FARS2: variants seen among roughly 807,000 people sequenced by gnomAD.
FARS2 encodes phenylalanyl-tRNA synthetase 2, mitochondrial, also known as phenylalanine--tRNA ligase, mitochondrial.
FARS2 carries 40 observed loss-of-function variants against 46.4 expected under a neutral mutation model. The ratio of observed to expected loss-of-function variants is 0.86; its 90% confidence interval spans 0.67 to 1.12. FARS2 has a LOEUF of 1.12. Among genes scored for constraint, FARS2 ranks in the 50% most tolerant of loss-of-function variants. The pLI is 0.00. For synonymous variants in FARS2, 234 were observed against 214.9 expected (o/e 1.09, Z -0.78); for missense variants, 513 against 567.9 (o/e 0.90, Z 0.98).
chr6:5,635,261 A>G (rs182819005), intron 6 of FARS2, among the ~76,000 whole-genome samples: 70 of 152,378 alleles, frequency 4.6e-4, no homozygotes, highest in Non-Finnish European at 2.2e-4. Context: ...AGCATTAAAT[A>G]CAAACAAAGA....
At chr6:5,537,356 A>G (rs1770269066) in intron 4 of FARS2, among the ~76,000 whole-genome samples, 2 of 152,254 alleles carry the variant, frequency 1.3e-5, no homozygotes, top group African/African-American at 4.8e-5. Context: ...TAGTCTTGCC[A>G]CAGTGCTCTT....
chr6:5,268,037 T>G (rs1174305552), intron 1 of FARS2, among the ~76,000 whole-genome samples: 1 of 152,164 alleles, frequency 6.6e-6, no homozygotes, highest in African/African-American at 2.4e-5. Flanking sequence ...TTCGCCCACT[T>G]TTTGATGGGG....
chr6:5,367,330 A>G (rs563581074), intron 1 of FARS2, among the ~76,000 whole-genome samples: 36 of 152,370 alleles, frequency 2.4e-4, no homozygotes, highest in Non-Finnish European at 4.0e-4. Flanking sequence ...CCGGTAGGGA[A>G]GAATTCCACA....
intron 4 of FARS2, among the ~76,000 whole-genome samples, chr6:5,432,045 C>T (rs1180094379): frequency 6.6e-6 from 1 of 150,492 alleles, no homozygotes; most frequent in Admixed American, 6.6e-5. Flanking sequence ...ATTACAGGCT[C>T]GTGCACTTTA....
chr6:5,379,019 C>T (rs1417962060), intron 2 of FARS2, among the ~76,000 whole-genome samples: 1 of 152,202 alleles, frequency 6.6e-6, no homozygotes, highest in African/African-American at 2.4e-5. Flanking sequence ...CTATTAGGCT[C>T]TTAGTCTGAG....
At chr6:5,505,237 G>C (rs1768033398) in intron 4 of FARS2, among the ~76,000 whole-genome samples, 3 of 152,142 alleles carry the variant, frequency 2.0e-5, no homozygotes, top group African/African-American at 7.2e-5. Context: ...AGATGGAAAA[G>C]GCTTGGAGGC....
rs9504381 is a variant in FARS2, at chr6:5,343,021, A to C, written c.-21-25529A>C. 0.18 allele frequency among the ~76,000 whole-genome samples: 26,808 copies of C among 152,124 alleles called. 3,985 individuals carry two copies. Among genetic ancestry groups the C allele is most frequent in the African/African-American group, 0.41 (16,954 of 41,422 alleles). ...ATCGACAGAAGGCAGCTAGTGCCTT[A>C]CAAGAAAACAGACAAAACCTCATTA... On this transcript the variant is annotated intron_variant, in intron 1 of 6. Coordinates refer to ENST00000274680, the MANE Select transcript of FARS2 (RefSeq NM_006567.5). This position sits in a 1 kb window ranked among gnomAD's most constrained non-coding sequence, Gnocchi z 4.5.
chr6:5,428,793 A>C (rs1283682819), intron 3 of FARS2, among the ~76,000 whole-genome samples: 1 of 152,194 alleles, frequency 6.6e-6, no homozygotes, highest in Non-Finnish European at 1.5e-5. Flanking sequence ...GCTTCCACAC[A>C]GAAAAGTCGA....
chr6:5,536,589 A>G (rs968433173), intron 4 of FARS2, among the ~76,000 whole-genome samples: 5 of 152,204 alleles, frequency 3.3e-5, no homozygotes, highest in African/African-American at 4.8e-5. Context: ...CACAAGTACA[A>G]TGAAAATCAA....
At chr6:5,393,449 G>A (rs555989502) in intron 2 of FARS2, among the ~76,000 whole-genome samples, 2 of 152,164 alleles carry the variant, frequency 1.3e-5, no homozygotes, top group African/African-American at 4.8e-5. Flanking sequence ...GAGGTCAAGA[G>A]ATCGAGACCA....
At chr6:5,506,658 C>T (rs978112487) in intron 4 of FARS2, among the ~76,000 whole-genome samples, 6 of 152,140 alleles carry the variant, frequency 3.9e-5, no homozygotes, top group African/African-American at 9.7e-5. Flanking sequence ...TAACATTACA[C>T]GAAGATGCTT....
chr6:5,368,709 C>G lies in FARS2; in HGVS notation c.139C>G (p.Pro47Ala), dbSNP rs201710092. 6.2e-7 allele frequency: 1 copy of G among 1,614,148 alleles called. No homozygotes were observed. The highest frequency in any genetic ancestry group is 1.7e-5 in the Admixed American group (1 of 60,024). The change falls in exon 2 of 7, where the codon CCA (proline) becomes GCA (alanine). Residue 47 changes from proline (P) to alanine (A), a missense_variant. Transcript: ENST00000274680. ...PAAECATQRA[P>A]GSVVELLGKS... ...AGCAGAGTGTGCCACCCAAAGAGCT[C>G]CAGGCAGTGTGGTGGAGCTGCTGGG...
chr6:5,744,700 A>G (rs1761541256), intron 6 of FARS2, among the ~76,000 whole-genome samples: 2 of 152,216 alleles, frequency 1.3e-5, no homozygotes, highest in South Asian at 4.1e-4. Flanking sequence ...GCCAGAACAC[A>G]GGGCAAGTGT....
intron 4 of FARS2, among the ~76,000 whole-genome samples, chr6:5,445,924 G>T (rs1245908498): frequency 6.6e-6 from 1 of 152,194 alleles, no homozygotes; most frequent in Non-Finnish European, 1.5e-5. Flanking sequence ...TTGTGGCCAG[G>T]TGCGGTGGCT....
At chr6:5,378,925 G>A (rs57533427) in intron 2 of FARS2, among the ~76,000 whole-genome samples, 3,974 of 152,348 alleles carry the variant, frequency 0.026, 174 homozygotes, top group African/African-American at 0.091. Context: ...AGCATGATTT[G>A]GAGGACCGTT....
At chr6:5,583,299 C>G (rs1251462464) in intron 5 of FARS2, among the ~76,000 whole-genome samples, 3 of 152,224 alleles carry the variant, frequency 2.0e-5, no homozygotes, top group Non-Finnish European at 4.4e-5. Flanking sequence ...TCTGGAAGTT[C>G]AGCTCAGTCC....
chr6:5,269,355 G>A (rs1239971490), intron 1 of FARS2, among the ~76,000 whole-genome samples: 2 of 148,732 alleles, frequency 1.3e-5, no homozygotes, highest in Non-Finnish European at 3.0e-5. Flanking sequence ...GGGGGAGGGG[G>A]GAGGGATAGC....
At chr6:5,405,477 G>GTTC (rs1761516988) in intron 3 of FARS2, among the ~76,000 whole-genome samples, 1 of 93,170 alleles carries the variant, frequency 1.1e-5, no homozygotes, top group Non-Finnish European at 2.2e-5. Flanking sequence ...GTGGAGCAAG[G>GTTC]TTCTTTTTTT....
intron 4 of FARS2, among the ~76,000 whole-genome samples, chr6:5,445,490 C>T (rs536693059): frequency 3.3e-5 from 5 of 152,012 alleles, no homozygotes; most frequent in East Asian, 3.9e-4. Context: ...TTGTTATGTC[C>T]GTGAACAAAA....
Sources: gnomAD v4.1 joint callset for allele counts (sites outside exome capture counted in the v4.1 genomes callset) on GRCh38, gnomAD v4.1.1 for gene constraint, Gnocchi (gnomAD v3.1) non-coding constraint, MANE v1.5 for transcripts, NCBI Gene and HGNC (gene_info 2026-07-23, HGNC 2026-07-21) for gene names.